Variants in ANKFN1 observed in about 807,000 individuals in gnomAD.
ANKFN1 encodes the protein ankyrin repeat and fibronectin type III domain containing 1.
A neutral mutation model predicts 108.7 loss-of-function variants in ANKFN1; 74 were observed. The ratio of observed to expected loss-of-function variants is 0.68; its 90% confidence interval spans 0.56 to 0.83. The LOEUF is 0.83. ANKFN1 is among the 40% of genes least tolerant of loss of function. The probability of loss-of-function intolerance (pLI) is 0.00; values close to 1 mark genes in which losing one functional copy is unlikely to be tolerated. For synonymous variants in ANKFN1, 547 were observed against 516.2 expected, an observed-to-expected ratio of 1.06 and a Z score of -0.81; for missense variants, 1,505 against 1,382.3, an observed-to-expected ratio of 1.09 and a Z score of -1.41.
At position 56,514,583 on chromosome 17, in the gene ANKFN1, A is replaced by C. The variant is rs1364767712; in HGVS notation, c.*3314A>C. On this transcript the variant is annotated 3_prime_UTR_variant, in exon 21 of 21. Coordinates refer to ENST00000682825, the MANE Select transcript of ANKFN1 (RefSeq NM_001370326.1). ...TGGGAGACAGTAATTAAAAACATTC[A>C]CTCCAGGGAATGAGTATTTTAAGAA... 2.6e-5 allele frequency among the ~76,000 whole-genome samples: 4 copies of C among 152,068 alleles called. No homozygotes were observed. Among genetic ancestry groups the C allele is most frequent in the Admixed American group, 2.6e-4 (4 of 15,276 alleles).
chr17:56,318,719 T>C (rs985476839), intron 3 of ANKFN1, among the ~76,000 whole-genome samples: 1 of 152,206 alleles, frequency 6.6e-6, no homozygotes, highest in African/African-American at 2.4e-5. Flanking sequence ...CCAGCCAATC[T>C]GTATTCTTTT....
chr17:56,489,714 G>GA (rs952845131), intron 18 of ANKFN1, among the ~76,000 whole-genome samples: 10 of 151,486 alleles, frequency 6.6e-5, no homozygotes, highest in South Asian at 6.3e-4. Context: ...TTAGAAAGGG[G>GA]AAAAAAAACA....
At chr17:56,065,740 A>C (rs9906103) in intron 4 of ANKFN1, among the ~76,000 whole-genome samples, 108,339 of 152,034 alleles carry the variant, frequency 0.71, 39,427 homozygotes, top group Non-Finnish European at 0.81. Context: ...GTGATGGTTC[A>C]TGGCACCCCA....
At chr17:56,111,469 A>G (rs999310974) in intron 4 of ANKFN1, among the ~76,000 whole-genome samples, 12 of 151,908 alleles carry the variant, frequency 7.9e-5, no homozygotes, top group Non-Finnish European at 1.8e-4. Context: ...CATGCATGCC[A>G]TACCTAAATG....
intron 3 of ANKFN1, among the ~76,000 whole-genome samples, chr17:56,272,537 A>C (rs1356317886): frequency 6.6e-6 from 1 of 152,190 alleles, no homozygotes; most frequent in Non-Finnish European, 1.5e-5. Context: ...ATAATATTCC[A>C]GTGTATGTAT....
chr17:56,246,760 CT>C (rs973462582), intron 3 of ANKFN1, among the ~76,000 whole-genome samples: 1 of 151,876 alleles, frequency 6.6e-6, no homozygotes, highest in African/African-American at 2.4e-5. Context: ...AGGCCATTTC[CT>C]TTGATATATG....
intron 3 of ANKFN1, among the ~76,000 whole-genome samples, chr17:56,251,053 C>A (rs1477354445): frequency 2.0e-5 from 3 of 152,060 alleles, no homozygotes; most frequent in Non-Finnish European, 1.5e-5. Context: ...CTATGCATAG[C>A]TTTGCAATGG....
At chr17:56,301,224 C>T (rs1259960929) in intron 3 of ANKFN1, among the ~76,000 whole-genome samples, 1 of 152,156 alleles carries the variant, frequency 6.6e-6, no homozygotes, top group Non-Finnish European at 1.5e-5. Flanking sequence ...AGTTGTTTGA[C>T]CTGCATCAGC....
At chr17:56,072,967 T>C (rs6505034) in intron 4 of ANKFN1, among the ~76,000 whole-genome samples, 125,141 of 152,158 alleles carry the variant, frequency 0.82, 52,396 homozygotes, top group African/African-American at 0.96. Context: ...TTTCTAACTG[T>C]CTGCTGAGAT....
intron 20 of ANKFN1, among the ~76,000 whole-genome samples, chr17:56,504,105 G>C (rs1567712563): frequency 6.6e-6 from 1 of 152,034 alleles, no homozygotes; most frequent in Non-Finnish European, 1.5e-5. Context: ...TTCTGGGAGG[G>C]GTATCCCACT....
At chr17:56,422,825 A>G (rs1188827174) in intron 8 of ANKFN1, among the ~76,000 whole-genome samples, 1 of 152,230 alleles carries the variant, frequency 6.6e-6, no homozygotes, top group Non-Finnish European at 1.5e-5. Flanking sequence ...TTCATAAAGA[A>G]GATGGCCAAA....
intron 15 of ANKFN1, among the ~76,000 whole-genome samples, chr17:56,469,438 C>T (rs950878202): frequency 6.6e-6 from 1 of 152,118 alleles, no homozygotes; most frequent in Non-Finnish European, 1.5e-5. Context: ...GTAATTCCCA[C>T]AATAACAGGC....
intron 20 of ANKFN1, among the ~76,000 whole-genome samples, chr17:56,501,652 T>C (rs2051374951): frequency 1.3e-5 from 2 of 152,192 alleles, no homozygotes; most frequent in South Asian, 4.1e-4. Context: ...AGAATTTGTT[T>C]ACATGTGAAT....
chr17:56,374,027 G>C (rs2046881227), intron 7 of ANKFN1, among the ~76,000 whole-genome samples: 1 of 152,196 alleles, frequency 6.6e-6, no homozygotes, highest in Admixed American at 6.5e-5. Flanking sequence ...ATAGGAGAAA[G>C]CCTGAGAGCA....
chr17:56,404,367 C>A (rs1355216799), intron 8 of ANKFN1, among the ~76,000 whole-genome samples: 2 of 151,994 alleles, frequency 1.3e-5, no homozygotes, highest in East Asian at 1.9e-4. Flanking sequence ...TTTTCTTATT[C>A]TTTTGTCTTT....
chr17:56,097,218 A>G (rs1228258765), intron 4 of ANKFN1, among the ~76,000 whole-genome samples: 3 of 152,230 alleles, frequency 2.0e-5, no homozygotes, highest in African/African-American at 4.8e-5. Flanking sequence ...AAACCTGCAC[A>G]TGTACCCTTG....
Position 56,510,905 on chromosome 17 carries a change from C to G in ANKFN1, c.3077C>G (p.Ser1026Trp). The G allele has an allele frequency of 6.5e-7, 1 of 1,536,148 alleles. No homozygotes were observed. Among genetic ancestry groups the G allele is most frequent in the South Asian group, 1.2e-5 (1 of 84,040 alleles). The change falls in exon 21 of 21, where the codon TCG becomes TGG. Residue 1026 changes from serine to tryptophan, a missense_variant. Physicochemically the swap from Ser to Trp is radical, Grantham distance 177. Coordinates refer to ENST00000682825, the MANE Select transcript of ANKFN1 (RefSeq NM_001370326.1). ...RWLRIHSETQ[S>W]LSLSEGIYTQ... Reference sequence around the variant, plus strand: ...TTGCGCATCCACAGCGAGACCCAGTCGCTATCGCTCTCTGAGGGCATTTAT... The same window carrying G: ...TTGCGCATCCACAGCGAGACCCAGTGGCTATCGCTCTCTGAGGGCATTTAT...
In ANKFN1 at chr17:56,515,108, C is replaced by T. The variant is rs911335837; in HGVS notation, c.*3839C>T. Among the ~76,000 whole-genome samples, 7 of 151,970 alleles carry T rather than the reference C, an allele frequency of 4.6e-5. No individual in the cohort carries two copies. The highest frequency in any genetic ancestry group is 9.7e-5 in the African/African-American group (4 of 41,374). ...TCTCCAAGAGAAGGTATGTCTGCAA[C>T]GCATTTAAGTTGCCTAGTTATGTCA... On this transcript the variant is annotated 3_prime_UTR_variant, in exon 21 of 21. Transcript: ENST00000682825.
At chr17:56,309,335 A>T (rs891773786) in intron 3 of ANKFN1, among the ~76,000 whole-genome samples, 7 of 152,202 alleles carry the variant, frequency 4.6e-5, no homozygotes, top group Admixed American at 3.9e-4. Flanking sequence ...ATTTATACTT[A>T]TAAAATTATT....
Sources: allele counts gnomAD v4.1 joint callset (sites outside exome capture counted in the v4.1 genomes callset), GRCh38; gene constraint gnomAD v4.1.1; transcripts MANE v1.5; gene names NCBI Gene and HGNC (gene_info 2026-07-23, HGNC 2026-07-21).